Variants in ADK observed in about 807,000 individuals in gnomAD.
ADK encodes the protein N6,N6-dimethyladenosine kinase.
A neutral mutation model predicts 44.7 loss-of-function variants in ADK; 24 were observed. The ratio of observed to expected loss-of-function variants is 0.54; its 90% CI spans 0.39 to 0.76. The LOEUF (loss-of-function observed/expected upper bound fraction) is 0.76, where lower values mean the gene tolerates loss of function less well. Among genes scored for constraint, ADK ranks in the 30% least tolerant of loss-of-function variants. The probability of loss-of-function intolerance (pLI) is 0.00; values close to 1 mark genes in which losing one functional copy is unlikely to be tolerated. For synonymous variants in ADK, 128 were observed against 142.6 expected (o/e 0.90, Z 0.73); for missense variants, 321 against 425.1 (o/e 0.76, Z 2.15).
At chr10:74,280,246 G>T (rs1846874830) in intron 3 of ADK, among the ~76,000 whole-genome samples, 1 of 152,006 alleles carries the variant, frequency 6.6e-6, no homozygotes, top group Non-Finnish European at 1.5e-5. Flanking sequence ...GGGACTACAG[G>T]CATGTGCCAC....
intron 4 of ADK, among the ~76,000 whole-genome samples, chr10:74,332,244 C>G (rs1417505799): frequency 1.3e-5 from 2 of 152,166 alleles, no homozygotes; most frequent in African/African-American, 4.8e-5. Flanking sequence ...GTGATGCTCT[C>G]TTAAAAGTTG....
intron 4 of ADK, among the ~76,000 whole-genome samples, chr10:74,342,540 A>G (rs1280640367): frequency 6.6e-6 from 1 of 152,062 alleles, no homozygotes; most frequent in South Asian, 2.1e-4. Context: ...TGGCACAAAC[A>G]TGGCTCACTG....
chr10:74,406,845 T>TG (rs2132921615), intron 6 of ADK, among the ~76,000 whole-genome samples: 1 of 151,972 alleles, frequency 6.6e-6, no homozygotes, highest in Admixed American at 6.6e-5. Context: ...CACACCCGGC[T>TG]AATTTTTGTA....
At chr10:74,403,482 T>C (rs1057433332) in intron 6 of ADK, among the ~76,000 whole-genome samples, 1 of 152,116 alleles carries the variant, frequency 6.6e-6, no homozygotes, top group Admixed American at 6.6e-5. Context: ...TCCCTGCAGT[T>C]GATCTGATAG....
intron 6 of ADK, among the ~76,000 whole-genome samples, chr10:74,420,496 A>G (rs1164242189): frequency 1.3e-5 from 2 of 152,160 alleles, no homozygotes; most frequent in East Asian, 3.8e-4. Context: ...GTTTTTAATA[A>G]ATAGTTTTGG....
intron 6 of ADK, among the ~76,000 whole-genome samples, chr10:74,441,818 A>G (rs1164715856): frequency 6.6e-6 from 1 of 152,198 alleles, no homozygotes; most frequent in Non-Finnish European, 1.5e-5. Context: ...ATATGATAAA[A>G]GGTTAATTAT....
At chr10:74,240,891 T>G (rs1203242371) in intron 3 of ADK, among the ~76,000 whole-genome samples, 1 of 152,242 alleles carries the variant, frequency 6.6e-6, no homozygotes, top group Non-Finnish European at 1.5e-5. Flanking sequence ...ATTAGTATTA[T>G]ATGATATGAA....
intron 8 of ADK, among the ~76,000 whole-genome samples, chr10:74,595,535 TC>T (rs1046047978): frequency 6.7e-6 from 1 of 149,932 alleles, no homozygotes; most frequent in African/African-American, 2.4e-5. Flanking sequence ...CGCCACCACA[TC>T]CGGCTAATTT....
intron 9 of ADK, among the ~76,000 whole-genome samples, chr10:74,660,833 A>C (rs546416299): frequency 6.6e-6 from 1 of 152,066 alleles, no homozygotes; most frequent in South Asian, 2.1e-4. Context: ...GGGGTTCGAG[A>C]CCAGCCTGGC....
rs942882417 is a variant in ADK, at chr10:74,695,972, T to C, written c.965-12349T>C. ...ACAATTCTTAAATTTTTTTTAGTCT[T>C]GTTACTCTTGTTAGGGCTTCCCCAC... On this transcript the variant is annotated intron_variant, in intron 10 of 10. Transcript: ENST00000539909. Among the ~76,000 whole-genome samples the C allele has an allele frequency of 7.2e-5, 11 of 152,006 alleles. No individual in the cohort carries two copies. In the East Asian group the frequency reaches 1.7e-3, roughly 24 times the overall value.
Position 74,556,936 on chromosome 10 carries a change from C to CT in ADK, c.726+31510_726+31511insT, listed in dbSNP as rs556857879. Among the ~76,000 whole-genome samples, 233 of 152,226 alleles carry CT rather than the reference C, an allele frequency of 1.5e-3. 1 individual carries two copies. The highest frequency in any genetic ancestry group is 5.1e-3 in the African/African-American group (210 of 41,538). On this transcript the variant is annotated intron_variant, in intron 7 of 10. Coordinates refer to ENST00000539909, the MANE Select transcript of ADK (RefSeq NM_006721.4). ...CCTCCAGAAATAAAGTAGGAACATA[C>CT]CCCTCTTACTGTGACTCTTACCAGA...
chr10:74,535,757 A>G (rs1468413672), intron 7 of ADK, among the ~76,000 whole-genome samples: 1 of 151,478 alleles, frequency 6.6e-6, no homozygotes, highest in Non-Finnish European at 1.5e-5. Context: ...TAATTTTTGT[A>G]TTTTTAGTAG....
intron 7 of ADK, among the ~76,000 whole-genome samples, chr10:74,531,268 T>C (rs1370100773): frequency 6.6e-6 from 1 of 151,966 alleles, no homozygotes; most frequent in Admixed American, 6.6e-5. Flanking sequence ...TCAAGTAGAG[T>C]ATTAAAAGGA....
intron 4 of ADK, chr10:74,371,949 T>TA: frequency 1.9e-6 from 2 of 1,066,996 alleles, no homozygotes; most frequent in Non-Finnish European, 2.9e-6. Context: ...AGAGGCATCT[T>TA]ACGTTAACCT....
intron 3 of ADK, among the ~76,000 whole-genome samples, chr10:74,238,856 C>A (rs79312288): frequency 1.1e-5 from 1 of 88,198 alleles, no homozygotes; most frequent in Non-Finnish European, 2.0e-5. Context: ...TTAGCTAGTG[C>A]TTTTTTTTTT....
intron 4 of ADK, among the ~76,000 whole-genome samples, chr10:74,388,860 T>A (rs1471857945): frequency 1.5e-4 from 23 of 152,200 alleles, no homozygotes; most frequent in Non-Finnish European, 3.4e-4. Flanking sequence ...TCTGAAAATC[T>A]TTTTCACAAT....
At chr10:74,159,728 G>A (rs1841840821) in intron 1 of ADK, among the ~76,000 whole-genome samples, 1 of 152,140 alleles carries the variant, frequency 6.6e-6, no homozygotes, top group Non-Finnish European at 1.5e-5. Flanking sequence ...GAGCAGCTGG[G>A]ATTACAGGCA....
At chr10:74,262,342 C>T (rs1271593705) in intron 3 of ADK, among the ~76,000 whole-genome samples, 1 of 151,312 alleles carries the variant, frequency 6.6e-6, no homozygotes, top group African/African-American at 2.4e-5. Context: ...AAAAAAACTC[C>T]TCACATATAT....
rs1253413462 is a variant in ADK, at chr10:74,300,254, CCTTGTT to C, written c.195-14412_195-14407del. On this transcript the variant is annotated intron_variant, in intron 3 of 10. Coordinates refer to ENST00000539909, the MANE Select transcript of ADK (RefSeq NM_006721.4). ...TCTTTCTTTCTCTCTCTCTCTCTCT[CCTTGTT>C]TCCTTCCTTCCTTCCTTCCTTCCTT... is the stretch of plus-strand genomic sequence containing the variant. Among the ~76,000 whole-genome samples the C allele has an allele frequency of 6.8e-3, 902 of 131,850 alleles. 35 individuals are homozygous for C. Among genetic ancestry groups the C allele is most frequent in the African/African-American group, 0.021 (721 of 34,702 alleles). The allele number at this position is 131,850 out of a possible 152,430, so 86.5% of individuals were successfully genotyped here. A position where few individuals can be genotyped will look rare whatever the true frequency, so the allele number is the denominator to read the frequency against.
Sources: allele counts gnomAD v4.1 joint callset (sites outside exome capture counted in the v4.1 genomes callset), GRCh38; gene constraint gnomAD v4.1.1; transcripts MANE v1.5; gene names NCBI Gene and HGNC (gene_info 2026-07-23, HGNC 2026-07-21).